INVS: variants seen among roughly 807,000 people sequenced by gnomAD.
The protein encoded by INVS is inversion of embryo turning homolog.
In INVS, 86 loss-of-function variants were observed where a neutral mutation model predicts 108.8. The ratio of observed to expected loss-of-function variants is 0.79; its 90% CI spans 0.66 to 0.95. INVS has a LOEUF of 0.95. INVS is among the 40% of genes least tolerant of loss of function. The probability of loss-of-function intolerance (pLI) is 0.00; values close to 1 mark genes in which losing one functional copy is unlikely to be tolerated. For missense variants in INVS, 1,169 were observed against 1,297.4 expected (o/e 0.90, Z 1.52); for synonymous variants, 455 against 473.5 (o/e 0.96, Z 0.51).
chr9:100,220,330 G>T (rs1441196939), intron 3 of INVS, among the ~76,000 whole-genome samples: 1 of 152,092 alleles, frequency 6.6e-6, no homozygotes, highest in Admixed American at 6.5e-5. Flanking sequence ...ACAGATGAAA[G>T]AAGCTCTTGG....
At chr9:100,227,987 C>G (rs1424656017) in intron 4 of INVS, among the ~76,000 whole-genome samples, 1 of 121,348 alleles carries the variant, frequency 8.2e-6, no homozygotes. Context: ...TATTTTCTTT[C>G]TTTCTTTTTT....
chr9:100,244,735 A>C (rs1198214968), intron 7 of INVS, among the ~76,000 whole-genome samples: 1 of 152,190 alleles, frequency 6.6e-6, no homozygotes, highest in East Asian at 1.9e-4. Context: ...TGAAAAATGC[A>C]GACACATTCC....
intron 3 of INVS, among the ~76,000 whole-genome samples, chr9:100,201,660 A>G (rs770510301): frequency 1.3e-5 from 2 of 152,200 alleles, no homozygotes; most frequent in Non-Finnish European, 2.9e-5. Flanking sequence ...ATTTCATCCC[A>G]CAACAAGATA....
intron 3 of INVS, among the ~76,000 whole-genome samples, chr9:100,159,983 T>C (rs755791958): frequency 3.3e-5 from 5 of 152,210 alleles, no homozygotes; most frequent in Non-Finnish European, 7.3e-5. Context: ...ACCCACTTCA[T>C]GATTTCTAAC....
intron 3 of INVS, among the ~76,000 whole-genome samples, chr9:100,220,540 C>G (rs988647727): frequency 3.9e-5 from 6 of 152,186 alleles, no homozygotes; most frequent in Admixed American, 3.9e-4. Context: ...TTCTGCTTAC[C>G]TACCATCAGA....
chr9:100,223,579 T>A (rs1831215502), intron 3 of INVS, among the ~76,000 whole-genome samples: 1 of 152,154 alleles, frequency 6.6e-6, no homozygotes, highest in African/African-American at 2.4e-5. Flanking sequence ...GTGAGGGAGC[T>A]CACACTGAAG....
chr9:100,273,976 C>A (rs1229992250), intron 12 of INVS, among the ~76,000 whole-genome samples: 4 of 152,140 alleles, frequency 2.6e-5, no homozygotes, highest in Non-Finnish European at 5.9e-5. Context: ...CAAAATCCCC[C>A]CTGCCTCAAG....
At chr9:100,112,719 A>G (rs1564117694) in intron 2 of INVS, among the ~76,000 whole-genome samples, 1 of 152,188 alleles carries the variant, frequency 6.6e-6, no homozygotes, top group Non-Finnish European at 1.5e-5. Flanking sequence ...AAGAAAAATT[A>G]TAAATTTGTG....
At chr9:100,182,063 T>C (rs1401692991) in intron 3 of INVS, among the ~76,000 whole-genome samples, 1 of 152,204 alleles carries the variant, frequency 6.6e-6, no homozygotes, top group African/African-American at 2.4e-5. Flanking sequence ...GCTAGCCATA[T>C]GCAGAAAACT....
intron 10 of INVS, among the ~76,000 whole-genome samples, chr9:100,262,489 A>G (rs1832656501): frequency 6.6e-6 from 1 of 151,738 alleles, no homozygotes; most frequent in South Asian, 2.1e-4. Context: ...TGTCAAATGT[A>G]TTTGCATAAA....
At chr9:100,238,848 A>T (rs899363898) in intron 5 of INVS, among the ~76,000 whole-genome samples, 4 of 152,238 alleles carry the variant, frequency 2.6e-5, no homozygotes, top group African/African-American at 9.6e-5. Context: ...ATCCAGTAGA[A>T]AAATTAATTA....
chr9:100,110,471 T>C (rs1322168485), intron 2 of INVS, among the ~76,000 whole-genome samples: 1 of 152,160 alleles, frequency 6.6e-6, no homozygotes, highest in Non-Finnish European at 1.5e-5. Context: ...CTTTCATATG[T>C]ATAAATAAAT....
At chr9:100,245,635 T>C (rs1832021992) in intron 7 of INVS, among the ~76,000 whole-genome samples, 1 of 152,188 alleles carries the variant, frequency 6.6e-6, no homozygotes, top group Non-Finnish European at 1.5e-5. Flanking sequence ...AATAAAGGAA[T>C]TGCTGAATAA....
chr9:100,267,557 A>G (rs34092424), intron 11 of INVS, among the ~76,000 whole-genome samples: 1,650 of 152,334 alleles, frequency 0.011, 16 homozygotes, highest in African/African-American at 0.016. Flanking sequence ...TACTTCTCAT[A>G]CATTGACACT....
At position 100,121,159 on chromosome 9, in the gene INVS, C is replaced by T. The variant is rs1400896678; in HGVS notation, c.107-5224C>T. 3.9e-5 allele frequency among the ~76,000 whole-genome samples: 6 copies of T among 152,174 alleles called. No homozygotes were observed. In the South Asian group the frequency reaches 6.2e-4, roughly 16 times the overall value. ...CTTCAAATCTCTACAATTTCTACCT[C>T]GGACCTCTAGACACTCTTTTGAAAG... On this transcript the variant is annotated intron_variant, in intron 2 of 16. Coordinates refer to ENST00000262457, the MANE Select transcript of INVS (RefSeq NM_014425.5).
intron 3 of INVS, among the ~76,000 whole-genome samples, chr9:100,191,110 C>T (rs573148023): frequency 1.8e-3 from 274 of 152,306 alleles, no homozygotes; most frequent in African/African-American, 6.3e-3. Flanking sequence ...GTCCTCCCAC[C>T]TCGGCCTCCC....
At chr9:100,247,950 AG>A (rs765709097) in intron 8 of INVS, among the ~76,000 whole-genome samples, 6 of 152,136 alleles carry the variant, frequency 3.9e-5, no homozygotes, top group Non-Finnish European at 8.8e-5. Context: ...CTGGGACTGC[AG>A]GTGGACGCCA....
chr9:100,157,899 C>G (rs1390814863), intron 3 of INVS, among the ~76,000 whole-genome samples: 1 of 152,210 alleles, frequency 6.6e-6, no homozygotes, highest in Non-Finnish European at 1.5e-5. Flanking sequence ...GCTACCTTTT[C>G]TGACACTTTT....
chr9:100,227,299 A>G (rs886203933), intron 4 of INVS, among the ~76,000 whole-genome samples: 1 of 152,246 alleles, frequency 6.6e-6, no homozygotes, highest in African/African-American at 2.4e-5. Context: ...TTAAATGCCT[A>G]TAGGTACACC....
Sources: gnomAD v4.1 joint callset for allele counts (sites outside exome capture counted in the v4.1 genomes callset) on GRCh38, gnomAD v4.1.1 for gene constraint, MANE v1.5 for transcripts, NCBI Gene and HGNC (gene_info 2026-07-23, HGNC 2026-07-21) for gene names.